PTPRD: variants seen among roughly 807,000 people sequenced by gnomAD.
PTPRD encodes the protein receptor-type tyrosine-protein phosphatase delta.
Under a neutral mutation model 214.5 loss-of-function variants are expected in PTPRD, and 34 were observed. The ratio of observed to expected loss-of-function variants is 0.16; its 90% CI spans 0.12 to 0.21. The LOEUF is 0.21. PTPRD is among the 10% of genes least tolerant of loss of function. PTPRD has a pLI of 1.00. For synonymous variants in PTPRD, 1,128 were observed against 845.7 expected (o/e 1.33, Z -5.79); for missense variants, 2,545 against 2,398.7 (o/e 1.06, Z -1.27).
At chr9:9,400,326 G>C (rs981753576) in intron 8 of PTPRD, among the ~76,000 whole-genome samples, 80 of 151,802 alleles carry the variant, frequency 5.3e-4, no homozygotes, top group African/African-American at 1.9e-3. Flanking sequence ...ACTCTCCCCA[G>C]AGAGAAATAT....
chr9:8,901,459 C>A (rs1157123957), intron 11 of PTPRD, among the ~76,000 whole-genome samples: 1 of 152,182 alleles, frequency 6.6e-6, no homozygotes, highest in Non-Finnish European at 1.5e-5. Flanking sequence ...CATGTGTTTA[C>A]ATCTATTGCC....
chr9:8,575,570 G>C (rs770203768), intron 14 of PTPRD, among the ~76,000 whole-genome samples: 3 of 152,080 alleles, frequency 2.0e-5, no homozygotes, highest in Non-Finnish European at 4.4e-5. Flanking sequence ...ATCTAGACCA[G>C]TGTCTCTGCA....
chr9:9,421,170 C>T (rs1307867973), intron 8 of PTPRD, among the ~76,000 whole-genome samples: 1 of 151,882 alleles, frequency 6.6e-6, no homozygotes, highest in Admixed American at 6.6e-5. Flanking sequence ...GAGCCATAAA[C>T]AATGGCCCTG....
intron 14 of PTPRD, among the ~76,000 whole-genome samples, chr9:8,566,842 T>A (rs1365912447): frequency 6.6e-6 from 1 of 152,210 alleles, no homozygotes; most frequent in Non-Finnish European, 1.5e-5. Flanking sequence ...TGGTCAAATG[T>A]TGCAGTTCTC....
chr9:9,724,981 C>T lies in PTPRD; in HGVS notation c.-287+9552G>A, dbSNP rs1235043334. Among the ~76,000 whole-genome samples the T allele has an allele frequency of 4.6e-5, 7 of 152,092 alleles. No individual in the cohort carries two copies. In the East Asian group the frequency reaches 1.3e-3, roughly 29 times the overall value. On this transcript the variant is annotated intron_variant, in intron 7 of 45. Transcript: ENST00000381196. ...AGACTCGCAGAGTTTATTTGGTGTC[C>T]CTTCCTGCATTCCCTACTTTGTCAC... is the stretch of plus-strand genomic sequence containing the variant.
chr9:8,791,590 C>A (rs539139302), intron 11 of PTPRD, among the ~76,000 whole-genome samples: 1 of 134,628 alleles, frequency 7.4e-6, no homozygotes, highest in Non-Finnish European at 1.5e-5. Flanking sequence ...TGCAGTGGGG[C>A]GATCTCGGCT....
chr9:9,168,118 G>A (rs1277613395), intron 10 of PTPRD, among the ~76,000 whole-genome samples: 2 of 152,158 alleles, frequency 1.3e-5, no homozygotes, highest in Non-Finnish European at 2.9e-5. Flanking sequence ...TTGGAACACA[G>A]CCATGCCTAT....
intron 11 of PTPRD, among the ~76,000 whole-genome samples, chr9:8,753,230 T>A (rs1055307711): frequency 6.6e-6 from 1 of 152,212 alleles, no homozygotes; most frequent in Non-Finnish European, 1.5e-5. Context: ...AAAATTGTCC[T>A]AAAATGTCCT....
At chr9:10,522,927 G>C (rs547744302) in intron 2 of PTPRD, among the ~76,000 whole-genome samples, 30 of 152,072 alleles carry the variant, frequency 2.0e-4, no homozygotes, top group African/African-American at 7.0e-4. Flanking sequence ...GAGAAGCTAG[G>C]TTTTTAATCA....
chr9:8,332,026 C>T (rs1185554666), intron 43 of PTPRD, among the ~76,000 whole-genome samples: 1 of 152,104 alleles, frequency 6.6e-6, no homozygotes, highest in Non-Finnish European at 1.5e-5. Flanking sequence ...ACATAGTTCC[C>T]CCATTAACAA....
chr9:9,271,030 T>C lies in PTPRD; in HGVS notation c.-202-87667A>G, dbSNP rs547068297. On this transcript the variant is annotated intron_variant, in intron 9 of 45. Coordinates refer to ENST00000381196, the MANE Select transcript of PTPRD (RefSeq NM_002839.4). ...GATAAAGGGTTCTATTTTGATCATGTTAAGTTTAAAGTGCTTATGCGGCTT... is the reference window on the plus strand; with the variant it reads ...GATAAAGGGTTCTATTTTGATCATGCTAAGTTTAAAGTGCTTATGCGGCTT... Among the ~76,000 whole-genome samples, 3 of 151,446 alleles carry C rather than the reference T, an allele frequency of 2.0e-5. No individual in the cohort carries two copies. The South Asian group carries it at 6.2e-4, about 31-fold the overall frequency.
At position 9,479,525 on chromosome 9, in the gene PTPRD, G is replaced by C. The variant is rs183664316; in HGVS notation, c.-236-82043C>G. ...ATTACAAGGTAGGCAGTATTTCTAT[G>C]CCAATTTTACAAGTACTAAAAACAA... is the stretch of plus-strand genomic sequence containing the variant. On this transcript the variant is annotated intron_variant, in intron 8 of 45. Transcript: ENST00000381196. 2.0e-5 allele frequency among the ~76,000 whole-genome samples: 3 copies of C among 152,166 alleles called. No homozygotes were observed. In the East Asian group the frequency reaches 5.8e-4, roughly 29 times the overall value.
At chr9:9,352,327 A>ATATATATATATATGTGTG (rs1555280411) in intron 9 of PTPRD, among the ~76,000 whole-genome samples, 1 of 68,382 alleles carries the variant, frequency 1.5e-5, no homozygotes, top group African/African-American at 4.4e-5. Flanking sequence ...ATATATATAT[A>ATATATATATATATGTGTG]TGTGTGTGTG....
At chr9:8,964,199 T>TTG (rs1555613754) in intron 11 of PTPRD, among the ~76,000 whole-genome samples, 4 of 142,252 alleles carry the variant, frequency 2.8e-5, no homozygotes, top group Non-Finnish European at 6.1e-5. Flanking sequence ...TGTGTTTTTT[T>TTG]TTTTTTTTTT....
chr9:8,618,138 T>C (rs2095672883), intron 14 of PTPRD, among the ~76,000 whole-genome samples: 1 of 152,080 alleles, frequency 6.6e-6, no homozygotes, highest in Non-Finnish European at 1.5e-5. Context: ...AAATTTAAAG[T>C]CACTTCCTCA....
At chr9:9,040,375 C>T (rs911002413) in intron 10 of PTPRD, among the ~76,000 whole-genome samples, 1 of 152,156 alleles carries the variant, frequency 6.6e-6, no homozygotes, top group African/African-American at 2.4e-5. Context: ...TTCCTCCCAC[C>T]AAGGTGTACT....
chr9:9,278,381 G>C (rs973143272), intron 9 of PTPRD, among the ~76,000 whole-genome samples: 4 of 151,274 alleles, frequency 2.6e-5, no homozygotes, highest in African/African-American at 9.7e-5. Context: ...TCACTACACA[G>C]CCTTATAAAA....
rs80227934 is a variant in PTPRD at position 10,291,302 on chromosome 9, T to G, written c.-545+49661A>C. Among the ~76,000 whole-genome samples the G allele has an allele frequency of 3.5e-4, 53 of 152,054 alleles. 1 individual carries two copies. The highest frequency in any genetic ancestry group is 1.3e-3 in the African/African-American group (52 of 41,498). ...ATGCAGAGGCAAAGTAGAAAGAATA[T>G]GTAGTAGATGGAATGATGGTCTCAA... On this transcript the variant is annotated intron_variant, in intron 3 of 45. Coordinates refer to ENST00000381196, the MANE Select transcript of PTPRD (RefSeq NM_002839.4).
rs73429617 is a variant in PTPRD at position 8,729,181 on chromosome 9, C to G, written c.64+4599G>C. 4.8e-3 allele frequency among the ~76,000 whole-genome samples: 724 copies of G among 152,210 alleles called. 3 individuals carry two copies. The highest frequency in any genetic ancestry group is 0.017 in the African/African-American group (702 of 41,524). The stretch of plus-strand genomic sequence containing the variant: ...TGTATGTAAGAGGCAACCGTACAAA[C>G]AGAGGAAACGCCTTCTACTATCCAT... On this transcript the variant is annotated intron_variant, in intron 12 of 45. Coordinates refer to ENST00000381196, the MANE Select transcript of PTPRD (RefSeq NM_002839.4).
Sources: allele counts gnomAD v4.1 joint callset (sites outside exome capture counted in the v4.1 genomes callset), GRCh38; gene constraint gnomAD v4.1.1; transcripts MANE v1.5; gene names NCBI Gene and HGNC (gene_info 2026-07-23, HGNC 2026-07-21).